The following LBR variants were observed in gnomAD, a reference collection of about 807,000 sequenced individuals.
LBR encodes lamin B receptor.
Under a neutral mutation model 74.3 loss-of-function variants are expected in LBR, and 28 were observed. The ratio of observed to expected loss-of-function variants is 0.38; its 90% CI spans 0.28 to 0.52. The LOEUF (loss-of-function observed/expected upper bound fraction) is 0.52, where lower values mean the gene tolerates loss of function less well. Among genes scored for constraint, LBR ranks in the 20% least tolerant of loss-of-function variants. The pLI is 0.89. For synonymous variants in LBR, 228 were observed against 269.3 expected, an observed-to-expected ratio of 0.85 and a Z score of 1.50; for missense variants, 717 against 760.3, an observed-to-expected ratio of 0.94 and a Z score of 0.67.
chr1:225,420,837 T>C (rs558757948), intron 3 of LBR, among the ~76,000 whole-genome samples: 2 of 151,946 alleles, frequency 1.3e-5, no homozygotes, highest in Non-Finnish European at 2.9e-5. Flanking sequence ...CATACACTGA[T>C]ACTACTATAA....
chr1:225,408,560 T>C (rs1373233897), intron 10 of LBR, among the ~76,000 whole-genome samples: 5 of 152,362 alleles, frequency 3.3e-5, no homozygotes, highest in Middle Eastern at 3.4e-3. Context: ...TCTTAAGGTA[T>C]AGCACATTCT....
Position 225,423,893 on chromosome 1 carries a change from A to C in LBR, c.165+18T>G. The C allele has an allele frequency of 4.4e-6, 7 of 1,609,138 alleles. No homozygotes were observed. The highest frequency in any genetic ancestry group is 6.0e-6 in the Non-Finnish European group (7 of 1,175,624). ...CACTTACTGTAAACACACTCTGATAAACCAAAGGAGCTCTTACCTTAATAT... is the reference window on the plus strand; with the variant it reads ...CACTTACTGTAAACACACTCTGATACACCAAAGGAGCTCTTACCTTAATAT... On this transcript the variant is annotated intron_variant, in intron 2 of 13. Transcript: ENST00000272163.
rs138380180 is a variant in LBR at position 225,422,090 on chromosome 1, G to A, written c.353C>T (p.Thr118Ile). Residue 118 changes from threonine (T) to isoleucine (I), a missense_variant, in exon 3 of 14, where the codon ACT (threonine) becomes ATT (isoleucine). Thr to Ile is a moderately conservative substitution (Grantham distance 89, BLOSUM62 -1). Coordinates refer to ENST00000272163, the MANE Select transcript of LBR (RefSeq NM_002296.4). ...EARREVEVKLTPLILKPFGNS... is the reference protein window; with the variant it reads ...EARREVEVKLIPLILKPFGNS... ...AAACACAAGTACCAGAATCAGCGGAGTCAATTTAACTTCCACTTCCCTCCT... is the reference window on the plus strand; with the variant it reads ...AAACACAAGTACCAGAATCAGCGGAATCAATTTAACTTCCACTTCCCTCCT... The A allele has an allele frequency of 1.2e-6, 2 of 1,613,954 alleles. No individual in the cohort carries two copies. The highest frequency in any genetic ancestry group is 2.7e-5 in the African/African-American group (2 of 74,934).
At chr1:225,404,078 A>G (rs1206803793) in intron 13 of LBR, among the ~76,000 whole-genome samples, 2 of 152,032 alleles carry the variant, frequency 1.3e-5, no homozygotes, top group East Asian at 3.9e-4. Flanking sequence ...TCTTCTTAAA[A>G]ACCAAAGTTT....
At chr1:225,415,517 C>G (rs1055321573) in intron 6 of LBR, among the ~76,000 whole-genome samples, 185 bp from the exon 7 acceptor site, 1 of 152,152 alleles carries the variant, frequency 6.6e-6, no homozygotes, top group Admixed American at 6.5e-5. Context: ...TTTAATGACG[C>G]AATTCCACCT....
At chr1:225,419,859 A>G (rs2150956390) in intron 3 of LBR, 61 bp from the exon 4 acceptor site, 2 of 1,230,962 alleles carry the variant, frequency 1.6e-6, no homozygotes, top group Middle Eastern at 3.8e-4. Flanking sequence ...AAGAAACATG[A>G]TGGTAAAAAC....
chr1:225,428,638 C>G (rs1431450969), upstream of LBR: 1 of 152,164 alleles, frequency 6.6e-6, no homozygotes, highest in Non-Finnish European at 1.5e-5. Context: ...TAGAAGCGAA[C>G]CCGGACCGAT....
chr1:225,422,404 T>A, intron 2 of LBR, 127 bp from the exon 3 acceptor site: 1 of 778,230 alleles, frequency 1.3e-6, no homozygotes, highest in East Asian at 2.7e-5. Flanking sequence ...ACGGGAAATG[T>A]TAGGATCTGA....
Position 225,412,648 on chromosome 1 carries a change from T to TAA in LBR, c.893-4_893-3insTT. The TAA allele has an allele frequency of 1.3e-6, 2 of 1,574,380 alleles. No homozygotes were observed. The highest frequency in any genetic ancestry group is 1.2e-5 in the South Asian group (1 of 85,368). Reference sequence around the variant, plus strand: ...TGTCAGGATAAAAGCATAGAATCCTTTAAAAAAAAAAAAAAAAGGAAGTGG... The same window carrying TAA: ...TGTCAGGATAAAAGCATAGAATCCTTAATAAAAAAAAAAAAAAAAGGAAGTGG... On this transcript the variant is annotated splice_region_variant and splice_polypyrimidine_tract_variant and intron_variant, in intron 7 of 13. Coordinates refer to ENST00000272163, the MANE Select transcript of LBR (RefSeq NM_002296.4).
At chr1:225,405,279 T>A (rs2096089123) in intron 11 of LBR, among the ~76,000 whole-genome samples, 1 of 152,228 alleles carries the variant, frequency 6.6e-6, no homozygotes, top group Non-Finnish European at 1.5e-5. Context: ...AAAATCAATC[T>A]ATCACTGACA....
At chr1:225,411,293 A>G (rs2096104794) in intron 9 of LBR, 44 bp downstream of exon 9, 1 of 1,329,660 alleles carries the variant, frequency 7.5e-7, no homozygotes, top group Non-Finnish European at 1.1e-6. Flanking sequence ...GCAGTTAATT[A>G]GACCTATTGA....
chr1:225,416,765 T>C (rs1032805719), intron 6 of LBR, among the ~76,000 whole-genome samples: 4 of 152,230 alleles, frequency 2.6e-5, no homozygotes, highest in African/African-American at 9.6e-5. Flanking sequence ...TTCTTTTTCT[T>C]GTCCTTATTC....
Position 225,415,515 on chromosome 1 carries a change from C to T in LBR, c.838-183G>A, listed in dbSNP as rs539311775. On this transcript the variant is annotated intron_variant, in intron 6 of 13. Coordinates refer to ENST00000272163, the MANE Select transcript of LBR (RefSeq NM_002296.4). ...ACCCTAGTGGCAAGCCCTTTAATGA[C>T]GCAATTCCACCTTCAGGAATTTATC... 6.6e-5 allele frequency among the ~76,000 whole-genome samples: 10 copies of T among 152,102 alleles called. 1 individual carries two copies. Among genetic ancestry groups the T allele is most frequent in the African/African-American group, 1.2e-4 (5 of 41,400 alleles).
chr1:225,414,353 T>C (rs962055542), intron 7 of LBR: 1 of 339,708 alleles, frequency 2.9e-6, no homozygotes, highest in African/African-American at 2.2e-5. Flanking sequence ...AATGAAGAAT[T>C]GAAAGGATAA....
At chr1:225,415,191 TG>T in intron 7 of LBR, 86 bp downstream of exon 7, 1 of 849,550 alleles carries the variant, frequency 1.2e-6, no homozygotes, top group Non-Finnish European at 1.9e-6. Context: ...CTTACTACTC[TG>T]GTCTAATCAG....
chr1:225,414,241 G>A (rs748389939), intron 7 of LBR: 2 of 430,354 alleles, frequency 4.6e-6, no homozygotes, highest in Admixed American at 2.5e-5. Flanking sequence ...AAAGGCAGAA[G>A]GTGTCTAAAC....
At chr1:225,417,695 C>T (rs1462508053) in intron 6 of LBR, 1 of 291,404 alleles carries the variant, frequency 3.4e-6, no homozygotes, top group Non-Finnish European at 6.5e-6. Context: ...TGAAAAGTTA[C>T]ACAAGAAATC....
At chr1:225,403,713 C>T (rs952944451) in intron 13 of LBR, among the ~76,000 whole-genome samples, 22 of 152,292 alleles carry the variant, frequency 1.4e-4, no homozygotes, top group African/African-American at 5.1e-4. Flanking sequence ...CATCTGTCCT[C>T]ATAGTTAATA....
intron 8 of LBR, 27 bp downstream of exon 8, chr1:225,412,427 T>C (rs755432736): frequency 6.2e-7 from 1 of 1,610,682 alleles, no homozygotes; most frequent in Non-Finnish European, 8.5e-7. Flanking sequence ...GACGCATTCA[T>C]CCAACATGCA....
Sources: gnomAD v4.1 joint callset for allele counts (sites outside exome capture counted in the v4.1 genomes callset) on GRCh38, gnomAD v4.1.1 for gene constraint, MANE v1.5 for transcripts, NCBI Gene and HGNC (gene_info 2026-07-23, HGNC 2026-07-21) for gene names.